The following FNTB variants were observed in gnomAD, a reference collection of about 807,000 sequenced individuals.
FNTB encodes the protein protein farnesyltransferase subunit beta.
FNTB carries 27 observed loss-of-function variants against 59.4 expected under a neutral mutation model. That is an observed-to-expected ratio of 0.45 (90% CI 0.34 to 0.63). The LOEUF is 0.63. Ranked by LOEUF, FNTB falls within the 20% of genes least tolerant of loss-of-function variation. The pLI, the probability that FNTB is intolerant of heterozygous loss-of-function variation, is 0.02. For synonymous variants in FNTB, 230 were observed against 220.7 expected, an observed-to-expected ratio of 1.04 and a Z score of -0.37; for missense variants, 449 against 559.6, an observed-to-expected ratio of 0.80 and a Z score of 1.99.
chr14:65,060,613 G>A (rs1399511635), intron 11 of FNTB, among the ~76,000 whole-genome samples: 8 of 104,332 alleles, frequency 7.7e-5, no homozygotes, highest in Admixed American at 4.1e-4. Context: ...GGAGAATGGC[G>A]TGAACCCGGG....
rs565048560 is a variant in FNTB at position 65,023,460 on chromosome 14, C to G, written c.375-3993C>G. On this transcript the variant is annotated intron_variant, in intron 4 of 11. Coordinates refer to ENST00000246166, the MANE Select transcript of FNTB (RefSeq NM_002028.4). The surrounding 1 kb of genome is among the most constrained non-coding windows in gnomAD (Gnocchi z 4.1). ...GCTGATATCCCTGCTTTGAACTTGA[C>G]CCTCTTACAAGATTTACATACTCTT... 6.6e-6 allele frequency among the ~76,000 whole-genome samples: 1 copy of G among 152,284 alleles called. No homozygotes were observed. Among genetic ancestry groups the G allele is most frequent in the Non-Finnish European group, 1.5e-5 (1 of 68,028 alleles).
At chr14:65,052,466 G>A (rs1363028121) in intron 9 of FNTB, among the ~76,000 whole-genome samples, 1 of 152,096 alleles carries the variant, frequency 6.6e-6, no homozygotes, top group African/African-American at 2.4e-5. Context: ...CATCCTATAT[G>A]TATATATATT....
intron 7 of FNTB, 114 bp from the exon 8 acceptor site, chr14:65,040,676 T>C (rs1195376579): frequency 8.1e-7 from 1 of 1,232,012 alleles, no homozygotes; most frequent in East Asian, 3.0e-5. Context: ...TTCATAGTTG[T>C]GATGGTTCAC....
In FNTB at chr14:65,044,753, G is replaced by C. The variant is rs564836861; in HGVS notation, c.955+310G>C. 1 of 355,896 alleles carries C rather than the reference G, an allele frequency of 2.8e-6. No homozygotes were observed. Among genetic ancestry groups the C allele is most frequent in the South Asian group, 3.4e-5 (1 of 29,268 alleles). 22.0% of individuals were successfully genotyped at this position (355,896 alleles called of 1,614,324 possible). On this transcript the variant is annotated intron_variant, in intron 9 of 11. Coordinates refer to ENST00000246166, the MANE Select transcript of FNTB (RefSeq NM_002028.4). The surrounding 1 kb of genome is among the most constrained non-coding windows in gnomAD (Gnocchi z 5.5). ...TATCTGGAAGGAGCAGCCCACTCCT[G>C]TCCTGGGCTCTGTGGTGATTGCCAC...
chr14:65,016,420 A>G (rs1215995036), intron 4 of FNTB: 1 of 152,274 alleles, frequency 6.6e-6, no homozygotes, highest in Non-Finnish European at 1.5e-5. Flanking sequence ...ATTGGATCCA[A>G]GAGATCCACT....
chr14:64,995,905 C>T (rs748729960), intron 1 of FNTB, among the ~76,000 whole-genome samples: 98 of 149,684 alleles, frequency 6.5e-4, no homozygotes, highest in African/African-American at 2.1e-3. Flanking sequence ...CTGAGGCACG[C>T]GAATCTCCTG....
Position 65,005,504 on chromosome 14 carries a change from T to TCTTTCTTTCTTTCTTC in FNTB, c.209+1201_209+1202insTTCTTCCTTTCTTTCT, listed in dbSNP as rs72026000. The stretch of plus-strand genomic sequence containing the variant: ...TTCTTTCTTTCTTTCTTTCTTTCTT[T>TCTTTCTTTCTTTCTTC]CTTTCTTTCTCTCTCTCTTTCTCTT... On this transcript the variant is annotated intron_variant, in intron 2 of 11. Transcript: ENST00000246166. Among the ~76,000 whole-genome samples the TCTTTCTTTCTTTCTTC allele has an allele frequency of 1.3e-4, 15 of 117,796 alleles. No individual in the cohort carries two copies. In the South Asian group the frequency reaches 2.2e-3, roughly 17 times the overall value. 77.3% of individuals were successfully genotyped at this position (117,796 alleles called of 152,430 possible).
rs192403921 is a variant in FNTB, at chr14:65,044,768, G to T, written c.955+325G>T. 2.0e-5 allele frequency: 6 copies of T among 301,976 alleles called. No individual in the cohort carries two copies. Among genetic ancestry groups the T allele is most frequent in the African/African-American group, 8.9e-5 (4 of 44,842 alleles). The allele number at this position is 301,976 out of a possible 1,614,324, so 18.7% of individuals were successfully genotyped here. A position where few individuals can be genotyped will look rare whatever the true frequency, so the allele number is the denominator to read the frequency against. ...GCCCACTCCTGTCCTGGGCTCTGTGGTGATTGCCACCTCCTCTGGGTGCAG... is the reference window on the plus strand; with the variant it reads ...GCCCACTCCTGTCCTGGGCTCTGTGTTGATTGCCACCTCCTCTGGGTGCAG... On this transcript the variant is annotated intron_variant, in intron 9 of 11. Coordinates refer to ENST00000246166, the MANE Select transcript of FNTB (RefSeq NM_002028.4). This position sits in a 1 kb window ranked among gnomAD's most constrained non-coding sequence, Gnocchi z 5.5.
In FNTB at chr14:65,014,999, C is replaced by T. The variant is rs1453251187; in HGVS notation, c.283-626C>T. 6.6e-6 allele frequency among the ~76,000 whole-genome samples: 1 copy of T among 151,946 alleles called. No homozygotes were observed. The highest frequency in any genetic ancestry group is 2.4e-5 in the African/African-American group (1 of 41,390). ...AAAATAGCAGCCCCTAACCTCCTGGCCTGTAGGAAGTCCTCTGCTCAGCCT... is the reference window on the plus strand; with the variant it reads ...AAAATAGCAGCCCCTAACCTCCTGGTCTGTAGGAAGTCCTCTGCTCAGCCT... On this transcript the variant is annotated intron_variant, in intron 3 of 11. Transcript: ENST00000246166. This position sits in a 1 kb window ranked among gnomAD's most constrained non-coding sequence, Gnocchi z 5.1.
At chr14:65,005,757 G>A (rs962588154) in intron 2 of FNTB, among the ~76,000 whole-genome samples, 3 of 152,034 alleles carry the variant, frequency 2.0e-5, no homozygotes, top group Middle Eastern at 3.4e-3. Context: ...TGCAGCCTCC[G>A]CAGTAGCTGG....
rs1301907346 is a variant in FNTB, at chr14:65,030,749, A to G, written c.606-1861A>G. Among the ~76,000 whole-genome samples, 1 of 152,024 alleles carries G rather than the reference A, an allele frequency of 6.6e-6. No individual in the cohort carries two copies. The highest frequency in any genetic ancestry group is 1.5e-5 in the Non-Finnish European group (1 of 68,000). On this transcript the variant is annotated intron_variant, in intron 6 of 11. Coordinates refer to ENST00000246166, the MANE Select transcript of FNTB (RefSeq NM_002028.4). This position sits in a 1 kb window ranked among gnomAD's most constrained non-coding sequence, Gnocchi z 4.5. Reference sequence around the variant, plus strand: ...AGTGAGATCCTATCTTAAAAAAAAAAAAGAAGATGGAAACTAGGCCCTTCT... The same window carrying G: ...AGTGAGATCCTATCTTAAAAAAAAAGAAGAAGATGGAAACTAGGCCCTTCT...
intron 3 of FNTB, 136 bp from the exon 4 acceptor site, chr14:65,015,489 T>G (rs897529055): frequency 3.7e-6 from 2 of 541,398 alleles, no homozygotes; most frequent in Non-Finnish European, 6.3e-6. Context: ...TGTCCTTTAT[T>G]CACTGATTGT....
chr14:65,054,534 G>T lies in FNTB; in HGVS notation c.1068-41G>T. On this transcript the variant is annotated intron_variant, in intron 10 of 11. Coordinates refer to ENST00000246166, the MANE Select transcript of FNTB (RefSeq NM_002028.4). This position sits in a 1 kb window ranked among gnomAD's most constrained non-coding sequence, Gnocchi z 4.4. ...TGTGGCTACATTTGTAGATGTGTGC[G>T]GAGCAGAGGAGCGCCTGCTCAGAGC... The T allele has an allele frequency of 6.4e-7, 1 of 1,573,602 alleles. No homozygotes were observed.
chr14:65,005,465 C>A (rs2061567422), intron 2 of FNTB, among the ~76,000 whole-genome samples: 1 of 125,906 alleles, frequency 7.9e-6, no homozygotes, highest in South Asian at 2.7e-4. Flanking sequence ...TTCTTTCTTT[C>A]TTTCTTTCTT....
At chr14:64,996,323 G>A (rs981648913) in intron 1 of FNTB, among the ~76,000 whole-genome samples, 6 of 152,002 alleles carry the variant, frequency 3.9e-5, no homozygotes, top group Admixed American at 3.9e-4. Flanking sequence ...GGGAGAGAAA[G>A]TAAGAAAGAA....
chr14:65,043,641 T>G (rs147021938), intron 8 of FNTB, among the ~76,000 whole-genome samples: 2 of 150,818 alleles, frequency 1.3e-5, no homozygotes. Context: ...GCTAACAAGG[T>G]GAAACCCCGT....
At chr14:65,060,882 A>C (rs1295170198) in intron 11 of FNTB, among the ~76,000 whole-genome samples, 1 of 151,354 alleles carries the variant, frequency 6.6e-6, no homozygotes, top group Non-Finnish European at 1.5e-5. Context: ...AAAAAAAAAA[A>C]AAAAAAAAAA....
chr14:65,015,526 C>T, intron 3 of FNTB, 99 bp from the exon 4 acceptor site: 1 of 1,270,126 alleles, frequency 7.9e-7, no homozygotes. Flanking sequence ...CCCTCCTCCC[C>T]CTTGCCAGGC....
rs761199077 is a variant in FNTB at position 65,045,055 on chromosome 14, C to T, written c.955+612C>T. Among the ~76,000 whole-genome samples the T allele has an allele frequency of 2.6e-5, 4 of 152,170 alleles. No homozygotes were observed. The South Asian group carries it at 6.2e-4, about 24-fold the overall frequency. On this transcript the variant is annotated intron_variant, in intron 9 of 11. Coordinates refer to ENST00000246166, the MANE Select transcript of FNTB (RefSeq NM_002028.4). Reference sequence around the variant, plus strand: ...TGCACCATTGGAGTAGAGAAATCCACGTTCGTTTCTGTGGGGTCTCAAATG... The same window carrying T: ...TGCACCATTGGAGTAGAGAAATCCATGTTCGTTTCTGTGGGGTCTCAAATG...
Sources: allele counts gnomAD v4.1 joint callset (sites outside exome capture counted in the v4.1 genomes callset), GRCh38; gene constraint gnomAD v4.1.1; non-coding constraint Gnocchi (gnomAD v3.1); transcripts MANE v1.5; gene names NCBI Gene and HGNC (gene_info 2026-07-23, HGNC 2026-07-21).